Variants in MDFIC observed in about 807,000 individuals in gnomAD.
The protein encoded by MDFIC is myoD family inhibitor domain-containing protein.
MDFIC carries 17 observed loss-of-function variants against 23.2 expected under a neutral mutation model. The observed-to-expected ratio is 0.73, with a 90% CI of 0.50 to 1.10. The LOEUF (loss-of-function observed/expected upper bound fraction) is 1.10, where lower values mean the gene tolerates loss of function less well. Among genes scored for constraint, MDFIC ranks in the 50% least tolerant of loss-of-function variants. MDFIC has a pLI of 0.00. For synonymous variants in MDFIC, 120 were observed against 115.2 expected (o/e 1.04, Z -0.27); for missense variants, 356 against 316.6 (o/e 1.12, Z -0.95).
intron 4 of MDFIC, chr7:115,014,525 G>C: frequency 7.8e-7 from 1 of 1,289,080 alleles, no homozygotes; most frequent in Non-Finnish European, 1.0e-6. Context: ...CAAAGGACAT[G>C]TGACAATGGT....
In MDFIC at chr7:115,017,068, T is replaced by G. The variant is rs1791810799; in HGVS notation, c.*1133T>G. ...ATGAGTGATTCACCTGCTATTTAAA[T>G]GAATTATTTAGATTTTTGACAAAGA... is the stretch of plus-strand genomic sequence containing the variant. On this transcript the variant is annotated 3_prime_UTR_variant, in exon 5 of 5. Coordinates refer to ENST00000393486, the MANE Select transcript of MDFIC (RefSeq NM_001166345.3). 6.6e-6 allele frequency: 1 copy of G among 152,240 alleles called. No individual in the cohort carries two copies. Among genetic ancestry groups the G allele is most frequent in the Non-Finnish European group, 1.5e-5 (1 of 68,050 alleles). 9.4% of individuals were successfully genotyped at this position (152,240 alleles called of 1,614,324 possible).
intron 2 of MDFIC, among the ~76,000 whole-genome samples, chr7:114,932,454 C>T (rs1792330096): frequency 6.6e-6 from 1 of 152,134 alleles, no homozygotes; most frequent in Admixed American, 6.5e-5. Context: ...AGCTAAGACA[C>T]AGACAACAGT....
chr7:114,924,788 T>C (rs912768963), intron 2 of MDFIC, among the ~76,000 whole-genome samples: 6 of 152,214 alleles, frequency 3.9e-5, no homozygotes, highest in African/African-American at 1.4e-4. Context: ...CAGAATCTTG[T>C]TAAAATATGA....
At chr7:114,927,126 G>C (rs1368966905) in intron 2 of MDFIC, among the ~76,000 whole-genome samples, 1 of 152,160 alleles carries the variant, frequency 6.6e-6, no homozygotes, top group Non-Finnish European at 1.5e-5. Context: ...TGTTGAGATT[G>C]AGAAACTGCT....
intron 4 of MDFIC, chr7:115,014,448 A>C: frequency 1.6e-6 from 2 of 1,289,692 alleles, no homozygotes; most frequent in South Asian, 2.5e-5. Flanking sequence ...TCTTTCCTAC[A>C]TCTTTGGTTT....
At chr7:114,967,724 G>A (rs900909425) in intron 3 of MDFIC, among the ~76,000 whole-genome samples, 4 of 151,802 alleles carry the variant, frequency 2.6e-5, no homozygotes, top group African/African-American at 9.7e-5. Flanking sequence ...TGCAGCCAAT[G>A]TTACCTTGAG....
At chr7:115,009,815 A>T (rs1290100416) in intron 4 of MDFIC, among the ~76,000 whole-genome samples, 1 of 152,226 alleles carries the variant, frequency 6.6e-6, no homozygotes, top group Non-Finnish European at 1.5e-5. Context: ...TAAATCAAAC[A>T]TAGTAAAGAT....
At position 115,004,023 on chromosome 7, in the gene MDFIC, A is replaced by G. The variant is rs374858389; in HGVS notation, c.494-11665A>G. Among the ~76,000 whole-genome samples, 22 of 152,356 alleles carry G rather than the reference A, an allele frequency of 1.4e-4. 1 individual carries two copies. Among genetic ancestry groups the G allele is most frequent in the African/African-American group, 5.0e-4 (21 of 41,586 alleles). ...CAGTGCCTGGACTTTAGTAAGCACT[A>G]TATAAAAGGTTGCTAAATAAAAATT... On this transcript the variant is annotated intron_variant, in intron 4 of 4. Transcript: ENST00000393486.
intron 3 of MDFIC, among the ~76,000 whole-genome samples, chr7:114,972,972 G>T (rs918406323): frequency 9.2e-5 from 14 of 151,978 alleles, no homozygotes; most frequent in Non-Finnish European, 1.9e-4. Context: ...ACTATTAAGA[G>T]ATTGTTTATA....
At chr7:114,937,880 T>C (rs1792458493) in intron 2 of MDFIC, among the ~76,000 whole-genome samples, 2 of 152,218 alleles carry the variant, frequency 1.3e-5, no homozygotes, top group African/African-American at 4.8e-5. Context: ...TCTTAAATTT[T>C]TATTTTGATA....
intron 4 of MDFIC, among the ~76,000 whole-genome samples, chr7:114,990,003 G>A (rs746674280): frequency 7.2e-5 from 11 of 151,914 alleles, no homozygotes; most frequent in Non-Finnish European, 1.6e-4. Flanking sequence ...AGTATAAGAA[G>A]TAAAAACAAA....
In MDFIC at chr7:115,019,268, T is replaced by G. The variant is rs1475290662; in HGVS notation, c.*3333T>G. ...CGCAGTTAGCATCTAACTAAAACAA[T>G]ACAGTATGACTTTATTTAGGAGAAG... is the stretch of plus-strand genomic sequence containing the variant. On this transcript the variant is annotated 3_prime_UTR_variant, in exon 5 of 5. Coordinates refer to ENST00000393486, the MANE Select transcript of MDFIC (RefSeq NM_001166345.3). The G allele has an allele frequency of 6.6e-6, 1 of 152,094 alleles. No individual in the cohort carries two copies. Among genetic ancestry groups the G allele is most frequent in the African/African-American group, 2.4e-5 (1 of 41,448 alleles). 9.4% of individuals were successfully genotyped at this position (152,094 alleles called of 1,614,324 possible). A position where few individuals can be genotyped will look rare whatever the true frequency, so the allele number is the denominator to read the frequency against.
chr7:114,923,574 T>C (rs2115662445), intron 2 of MDFIC: 2 of 1,531,486 alleles, frequency 1.3e-6, no homozygotes, highest in Non-Finnish European at 1.7e-6. Flanking sequence ...TTCAGGTTTC[T>C]GTGACCAGTA....
At chr7:114,984,188 G>T (rs1054842419) in intron 4 of MDFIC, among the ~76,000 whole-genome samples, 1 of 152,082 alleles carries the variant, frequency 6.6e-6, no homozygotes, top group African/African-American at 2.4e-5. Flanking sequence ...GGCCAAGCAG[G>T]GATCTTCTTC....
At chr7:114,935,925 A>G (rs1186389004) in intron 2 of MDFIC, among the ~76,000 whole-genome samples, 1 of 152,142 alleles carries the variant, frequency 6.6e-6, no homozygotes, top group Non-Finnish European at 1.5e-5. Context: ...TGATTTATTT[A>G]TAGCGTGTTT....
At chr7:115,004,346 T>A (rs901706300) in intron 4 of MDFIC, among the ~76,000 whole-genome samples, 1 of 152,212 alleles carries the variant, frequency 6.6e-6, no homozygotes, top group African/African-American at 2.4e-5. Flanking sequence ...TAGTAGCTCA[T>A]GCCTGTAATC....
chr7:114,967,298 G>C (rs2115895330), intron 3 of MDFIC, among the ~76,000 whole-genome samples: 1 of 151,862 alleles, frequency 6.6e-6, no homozygotes, highest in South Asian at 2.1e-4. Flanking sequence ...AGATGTGAGA[G>C]GACATCTCCT....
At chr7:114,998,867 A>T (rs777862483) in intron 4 of MDFIC, among the ~76,000 whole-genome samples, 4 of 152,148 alleles carry the variant, frequency 2.6e-5, no homozygotes, top group African/African-American at 4.8e-5. Flanking sequence ...ATTTCAAAGG[A>T]ATAGGAACAA....
chr7:115,007,630 G>A lies in MDFIC; in HGVS notation c.494-8058G>A, dbSNP rs113388144. On this transcript the variant is annotated intron_variant, in intron 4 of 4. Transcript: ENST00000393486. ...CTATCTATCTAGTGTGCGTGTGTGTGTATATATATATATATATATATATAT... is the reference window on the plus strand; with the variant it reads ...CTATCTATCTAGTGTGCGTGTGTGTATATATATATATATATATATATATAT... 3.7e-3 allele frequency among the ~76,000 whole-genome samples: 489 copies of A among 132,918 alleles called. 4 individuals are homozygous for A. The highest frequency in any genetic ancestry group is 0.013 in the African/African-American group (436 of 32,530). The allele number at this position is 132,918 out of a possible 152,430, so 87.2% of individuals were successfully genotyped here. A position where few individuals can be genotyped will look rare whatever the true frequency, so the allele number is the denominator to read the frequency against.
Sources: gnomAD v4.1 joint callset for allele counts (sites outside exome capture counted in the v4.1 genomes callset) on GRCh38, gnomAD v4.1.1 for gene constraint, MANE v1.5 for transcripts, NCBI Gene and HGNC (gene_info 2026-07-23, HGNC 2026-07-21) for gene names.